CRLF3: variants seen among roughly 807,000 people sequenced by gnomAD.
CRLF3 encodes the protein cytokine receptor-like factor 3.
In CRLF3, 33 loss-of-function variants were observed where a neutral mutation model predicts 55.0. The ratio of observed to expected loss-of-function variants is 0.60; its 90% CI spans 0.46 to 0.80. The LOEUF (loss-of-function observed/expected upper bound fraction) is 0.80, where lower values mean the gene tolerates loss of function less well. CRLF3 is among the 30% of genes least tolerant of loss of function. The pLI is 0.00. For missense variants in CRLF3, 494 were observed against 538.4 expected (o/e 0.92, Z 0.82); for synonymous variants, 238 against 196.8 (o/e 1.21, Z -1.75).
Position 30,784,090 on chromosome 17 carries a change from G to T in CRLF3, c.*97C>A. 3 of 1,087,516 alleles carry T rather than the reference G, an allele frequency of 2.8e-6. No individual in the cohort carries two copies. The highest frequency in any genetic ancestry group is 4.0e-6 in the Non-Finnish European group (3 of 753,018). The allele number at this position is 1,087,516 out of a possible 1,614,324, so 67.4% of individuals were successfully genotyped here. A position where few individuals can be genotyped will look rare whatever the true frequency, so the allele number is the denominator to read the frequency against. ...AAACACTTTCCAATGGCCTAAGTTA[G>T]AGATGAATTCAACTTTTTTTTTAAA... On this transcript the variant is annotated 3_prime_UTR_variant, in exon 8 of 8. Coordinates refer to ENST00000324238, the MANE Select transcript of CRLF3 (RefSeq NM_015986.4).
intron 6 of CRLF3, chr17:30,790,603 TTGC>T (rs1204067883): frequency 4.3e-5 from 6 of 140,038 alleles, no homozygotes; most frequent in Non-Finnish European, 6.1e-5. Flanking sequence ...GTAAATTTTT[TTGC>T]TTTTTTTTTT....
chr17:30,793,303 T>C (rs1013344437), intron 5 of CRLF3, 147 bp downstream of exon 5: 3 of 604,398 alleles, frequency 5.0e-6, no homozygotes, highest in Non-Finnish European at 8.5e-6. Flanking sequence ...CATGAGGTAA[T>C]CTGAGTAAAA....
At chr17:30,805,480 G>A (rs1411102232) in intron 1 of CRLF3, among the ~76,000 whole-genome samples, 6 of 152,164 alleles carry the variant, frequency 3.9e-5, no homozygotes, top group African/African-American at 1.4e-4. Context: ...TTGGGAGGCC[G>A]AGGTGGGTGG....
intron 7 of CRLF3, 134 bp downstream of exon 7, chr17:30,785,785 A>T: frequency 1.8e-5 from 10 of 555,380 alleles, no homozygotes; most frequent in Non-Finnish European, 2.5e-5. Flanking sequence ...TCATAATAAA[A>T]AAAAAAAAAA....
intron 1 of CRLF3, among the ~76,000 whole-genome samples, chr17:30,811,998 T>C (rs1904643608): frequency 6.6e-6 from 1 of 151,408 alleles, no homozygotes; most frequent in Non-Finnish European, 1.5e-5. Flanking sequence ...TAGTCCCAGC[T>C]ACTCGGGAGG....
intron 6 of CRLF3, among the ~76,000 whole-genome samples, chr17:30,789,332 ATATT>A (rs1384628266): frequency 6.6e-6 from 1 of 152,194 alleles, no homozygotes; most frequent in Non-Finnish European, 1.5e-5. Context: ...GTCTTAATAA[ATATT>A]TACTGAATGG....
intron 1 of CRLF3, among the ~76,000 whole-genome samples, chr17:30,819,606 T>A (rs1904925735): frequency 6.6e-6 from 1 of 152,154 alleles, no homozygotes; most frequent in South Asian, 2.1e-4. Context: ...GCCTCCTGAG[T>A]AGCTGGGACT....
intron 1 of CRLF3, among the ~76,000 whole-genome samples, chr17:30,814,233 G>A (rs1203023964): frequency 6.6e-6 from 1 of 152,030 alleles, no homozygotes; most frequent in Non-Finnish European, 1.5e-5. Flanking sequence ...CTCCAGCCTG[G>A]GTGACAGAGC....
In CRLF3 at chr17:30,805,136, T is replaced by C. The variant is rs1410817425; in HGVS notation, c.130-1028A>G. 4.6e-5 allele frequency among the ~76,000 whole-genome samples: 7 copies of C among 151,964 alleles called. No individual in the cohort carries two copies. In the East Asian group the frequency reaches 9.7e-4, roughly 21 times the overall value. ...AGATGGAGGTTGCAGGGATCCAAGA[T>C]TGCGCCACTGCACTCCAGCTGGGCA... On this transcript the variant is annotated intron_variant, in intron 1 of 7. Transcript: ENST00000324238.
At chr17:30,812,154 AAT>A (rs1904649869) in intron 1 of CRLF3, among the ~76,000 whole-genome samples, 1 of 152,276 alleles carries the variant, frequency 6.6e-6, no homozygotes, top group African/African-American at 2.4e-5. Flanking sequence ...AAAGATAAAA[AAT>A]AGTCAACTGA....
chr17:30,797,940 ATTTT>A (rs561112215), intron 2 of CRLF3, among the ~76,000 whole-genome samples: 3 of 125,224 alleles, frequency 2.4e-5, no homozygotes, highest in African/African-American at 5.9e-5. Flanking sequence ...ATGCCCAGCT[ATTTT>A]TTTTTTTTTT....
rs149013458 is a variant in CRLF3 at position 30,811,655 on chromosome 17, T to C, written c.130-7547A>G. Reference sequence around the variant, plus strand: ...CGTCTCTACTAAAAATACAAAAAAATTAGCTGGTCATGGTGGCGGGCACCT... The same window carrying C: ...CGTCTCTACTAAAAATACAAAAAAACTAGCTGGTCATGGTGGCGGGCACCT... On this transcript the variant is annotated intron_variant, in intron 1 of 7. Coordinates refer to ENST00000324238, the MANE Select transcript of CRLF3 (RefSeq NM_015986.4). Among the ~76,000 whole-genome samples, 1,290 of 147,170 alleles carry C rather than the reference T, an allele frequency of 8.8e-3. 19 individuals carry two copies. Among genetic ancestry groups the C allele is most frequent in the African/African-American group, 0.031 (1,214 of 39,780 alleles).
rs1015802302 is a variant in CRLF3 at position 30,782,812 on chromosome 17, A to G, written c.*1375T>C. The G allele has an allele frequency of 3.3e-5, 5 of 152,238 alleles. No homozygotes were observed. Among genetic ancestry groups the G allele is most frequent in the African/African-American group, 1.2e-4 (5 of 41,464 alleles). 9.4% of individuals were successfully genotyped at this position (152,238 alleles called of 1,614,324 possible). On this transcript the variant is annotated 3_prime_UTR_variant, in exon 8 of 8. Transcript: ENST00000324238. ...TATAAAAAGACAAGTAGAAAAGGTC[A>G]TGATTGTCTAACAGGGAACATGAAT...
chr17:30,796,209 A>G lies in CRLF3; in HGVS notation c.554T>C (p.Ile185Thr). The change falls in exon 4 of 8, where the codon ATA becomes ACA. Residue 185 changes from isoleucine to threonine, a missense_variant. Transcript: ENST00000324238. ...TCCAGGTTTCTCTATTAGTTCTTCT[A>G]TCTGTACTGGTGGGCGAGATGCTAC... is the stretch of plus-strand genomic sequence containing the variant. The part of the protein sequence containing the change: ...GTVASRPPVQ[I>T]EELIEKPGGI... 1.2e-6 allele frequency: 2 copies of G among 1,613,908 alleles called. No individual in the cohort carries two copies. The highest frequency in any genetic ancestry group is 1.7e-6 in the Non-Finnish European group (2 of 1,179,840).
chr17:30,803,062 G>A (rs997721863), intron 2 of CRLF3, among the ~76,000 whole-genome samples: 1 of 151,896 alleles, frequency 6.6e-6, no homozygotes, highest in Non-Finnish European at 1.5e-5. Context: ...CTATTTGGGA[G>A]GCTGAGGTGG....
chr17:30,796,952 G>A (rs1485427191), intron 3 of CRLF3, among the ~76,000 whole-genome samples: 2 of 152,136 alleles, frequency 1.3e-5, no homozygotes, highest in African/African-American at 4.8e-5. Flanking sequence ...AGGCTGGAGT[G>A]TAGTGGTACA....
intron 6 of CRLF3, among the ~76,000 whole-genome samples, chr17:30,788,786 ATAGT>A (rs1567658323): frequency 6.6e-6 from 1 of 150,546 alleles, no homozygotes; most frequent in Non-Finnish European, 1.5e-5. Context: ...TTTTGTATTT[ATAGT>A]AGAGATGGGG....
intron 2 of CRLF3, chr17:30,801,291 T>G (rs1270507702): frequency 6.6e-6 from 1 of 151,928 alleles, no homozygotes; most frequent in Non-Finnish European, 1.5e-5. Flanking sequence ...CCTGGATTAC[T>G]TTCTAATAAC....
intron 6 of CRLF3, among the ~76,000 whole-genome samples, chr17:30,790,100 C>G (rs569245808): frequency 1.3e-5 from 2 of 151,938 alleles, no homozygotes; most frequent in East Asian, 3.9e-4. Context: ...CTAGTATAAT[C>G]TGACAACCGC....
Sources: gnomAD v4.1 joint callset for allele counts (sites outside exome capture counted in the v4.1 genomes callset) on GRCh38, gnomAD v4.1.1 for gene constraint, MANE v1.5 for transcripts, NCBI Gene and HGNC (gene_info 2026-07-23, HGNC 2026-07-21) for gene names.